The following CNTN1 variants were observed in gnomAD, a reference collection of about 807,000 sequenced individuals.
The protein encoded by CNTN1 is contactin 1.
Under a neutral mutation model 126.4 loss-of-function variants are expected in CNTN1, and 38 were observed. The observed-to-expected ratio is 0.30, with a 90% CI of 0.23 to 0.39. CNTN1 has a LOEUF of 0.39. Ranked by LOEUF, CNTN1 falls within the 10% of genes least tolerant of loss-of-function variation. CNTN1 has a pLI of 1.00. For missense variants in CNTN1, 1,009 were observed against 1,248.4 expected (o/e 0.81, Z 2.89); for synonymous variants, 413 against 422.6 (o/e 0.98, Z 0.28).
intron 1 of CNTN1, among the ~76,000 whole-genome samples, chr12:40,891,829 G>A (rs1405626735): frequency 6.6e-6 from 1 of 152,020 alleles, no homozygotes; most frequent in Non-Finnish European, 1.5e-5. Context: ...GTTGGACAGT[G>A]TCCGTCCTCC....
chr12:41,062,504 A>T (rs1460339773), intron 23 of CNTN1, among the ~76,000 whole-genome samples: 1 of 152,216 alleles, frequency 6.6e-6, no homozygotes, highest in Non-Finnish European at 1.5e-5. Flanking sequence ...AAACCTGGAA[A>T]GAAAAAAATT....
rs1352453523 is a variant in CNTN1 at position 40,717,750 on chromosome 12, A to G, written c.-77+25158A>G. The stretch of plus-strand genomic sequence containing the variant: ...GCTTTAGAATTGCGGGCACCACTGG[A>G]TAAAATTGCTCCTGTAAACATGGGA... On this transcript the variant is annotated intron_variant, in intron 1 of 23. Coordinates refer to ENST00000551295, the MANE Select transcript of CNTN1 (RefSeq NM_001843.4). 2.0e-5 allele frequency among the ~76,000 whole-genome samples: 3 copies of G among 152,184 alleles called. No homozygotes were observed. In the East Asian group the frequency reaches 5.8e-4, roughly 29 times the overall value.
intron 20 of CNTN1, 126 bp from the exon 21 acceptor site, chr12:41,025,024 A>G: frequency 1.1e-6 from 1 of 946,084 alleles, no homozygotes; most frequent in South Asian, 1.3e-5. Flanking sequence ...GGTAGATATC[A>G]TTAAGAAACA....
rs76816095 is a variant in CNTN1, at chr12:40,772,012, C to T, written c.-77+79420C>T. ...TCCTTAGATTTCTCAGAAAATTATGCTTGTAACTTTATATGGTCAAGTAAA... is the reference window on the plus strand; with the variant it reads ...TCCTTAGATTTCTCAGAAAATTATGTTTGTAACTTTATATGGTCAAGTAAA... On this transcript the variant is annotated intron_variant, in intron 1 of 23. Transcript: ENST00000551295. Among the ~76,000 whole-genome samples, 35 of 152,038 alleles carry T rather than the reference C, an allele frequency of 2.3e-4. No individual in the cohort carries two copies. The East Asian group carries it at 6.4e-3, about 28-fold the overall frequency.
At chr12:40,930,302 A>G (rs1226278635) in intron 7 of CNTN1, among the ~76,000 whole-genome samples, 1 of 152,026 alleles carries the variant, frequency 6.6e-6, no homozygotes. Context: ...GAAATCACTG[A>G]CATCTACTTT....
intron 1 of CNTN1, among the ~76,000 whole-genome samples, chr12:40,770,592 G>A (rs1379057985): frequency 6.6e-6 from 1 of 152,096 alleles, no homozygotes; most frequent in Admixed American, 6.6e-5. Context: ...AAAAGAATTA[G>A]TAAAGGGTGT....
At chr12:40,782,304 T>TA (rs893380316) in intron 1 of CNTN1, among the ~76,000 whole-genome samples, 2 of 150,778 alleles carry the variant, frequency 1.3e-5, no homozygotes, top group East Asian at 3.9e-4. Context: ...TTTGAAAAAA[T>TA]AAAAAAAAGG....
intron 14 of CNTN1, among the ~76,000 whole-genome samples, chr12:40,958,375 GTGTGTATGTA>G (rs1048650695): frequency 2.7e-5 from 4 of 150,552 alleles, no homozygotes; most frequent in African/African-American, 9.7e-5. Flanking sequence ...GTGTGTGTGT[GTGTGTATGTA>G]TGTATGTATG....
chr12:40,985,439 A>G (rs538138771), intron 16 of CNTN1, among the ~76,000 whole-genome samples: 1 of 152,204 alleles, frequency 6.6e-6, no homozygotes, highest in South Asian at 2.1e-4. Flanking sequence ...TTTTTCTATC[A>G]GAAAATGTCT....
At chr12:40,943,788 A>C in intron 13 of CNTN1, 64 bp downstream of exon 13, 2 of 1,561,468 alleles carry the variant, frequency 1.3e-6, no homozygotes, top group Admixed American at 3.4e-5. Context: ...AGCACTAAGC[A>C]TCTAAACAGT....
intron 1 of CNTN1, among the ~76,000 whole-genome samples, chr12:40,846,585 C>G (rs1942511864): frequency 6.6e-6 from 1 of 152,222 alleles, no homozygotes; most frequent in African/African-American, 2.4e-5. Context: ...TCCACCACAA[C>G]AATGCTCCTG....
intron 1 of CNTN1, among the ~76,000 whole-genome samples, chr12:40,695,747 T>C (rs563270018): frequency 6.6e-6 from 1 of 152,228 alleles, no homozygotes; most frequent in Non-Finnish European, 1.5e-5. Flanking sequence ...AATGCTCTGA[T>C]AGCGTACTTT....
At chr12:40,933,436 A>C in intron 7 of CNTN1, 25 bp from the exon 8 acceptor site, 1 of 1,395,932 alleles carries the variant, frequency 7.2e-7, no homozygotes, top group South Asian at 1.2e-5. Flanking sequence ...TAATTAGTGG[A>C]TATTTGTGTT....
At chr12:40,960,770 G>A (rs918678874) in intron 15 of CNTN1, among the ~76,000 whole-genome samples, 5 of 152,036 alleles carry the variant, frequency 3.3e-5, no homozygotes, top group African/African-American at 1.2e-4. Flanking sequence ...ATTAGGGAGA[G>A]GGATTAGAGG....
chr12:40,729,609 C>A, intron 1 of CNTN1: 1 of 228,556 alleles, frequency 4.4e-6, no homozygotes, highest in South Asian at 7.7e-5. Context: ...AATGAATTTT[C>A]AGTTGTTTGA....
intron 23 of CNTN1, among the ~76,000 whole-genome samples, chr12:41,039,303 T>C (rs1472294602): frequency 6.6e-6 from 1 of 152,176 alleles, no homozygotes; most frequent in Non-Finnish European, 1.5e-5. Flanking sequence ...GAGATGAAGA[T>C]AGCTTTGACT....
At chr12:40,819,663 G>A (rs941942676) in intron 1 of CNTN1, among the ~76,000 whole-genome samples, 1 of 152,142 alleles carries the variant, frequency 6.6e-6, no homozygotes, top group Non-Finnish European at 1.5e-5. Flanking sequence ...AGCTCAAATG[G>A]CTTAGACAGC....
At chr12:40,863,915 C>T (rs1160378314) in intron 1 of CNTN1, among the ~76,000 whole-genome samples, 1 of 144,660 alleles carries the variant, frequency 6.9e-6, no homozygotes, top group Non-Finnish European at 1.5e-5. Context: ...GACCGACCTT[C>T]CTTCCTTCCT....
chr12:40,735,377 A>T (rs1403612620), intron 1 of CNTN1, among the ~76,000 whole-genome samples: 1 of 152,148 alleles, frequency 6.6e-6, no homozygotes, highest in Non-Finnish European at 1.5e-5. Context: ...TATTTTAAAT[A>T]TTATTAAAAG....
Sources: gnomAD v4.1 joint callset for allele counts (sites outside exome capture counted in the v4.1 genomes callset) on GRCh38, gnomAD v4.1.1 for gene constraint, MANE v1.5 for transcripts, NCBI Gene and HGNC (gene_info 2026-07-23, HGNC 2026-07-21) for gene names.